BMPR1B: variants seen among roughly 807,000 people sequenced by gnomAD.
The protein encoded by BMPR1B is bone morphogenetic protein receptor type-1B.
In BMPR1B, 12 loss-of-function variants were observed where a neutral mutation model predicts 59.1. The ratio of observed to expected loss-of-function variants is 0.20; its 90% CI spans 0.13 to 0.33. The LOEUF is 0.33. Among genes scored for constraint, BMPR1B ranks in the 10% least tolerant of loss-of-function variants. The pLI is 1.00. For missense variants in BMPR1B, 550 were observed against 610.9 expected (o/e 0.90, Z 1.05); for synonymous variants, 237 against 207.3 (o/e 1.14, Z -1.23).
chr4:94,887,364 T>A (rs1578763158), intron 2 of BMPR1B, among the ~76,000 whole-genome samples: 1 of 98,852 alleles, frequency 1.0e-5, no homozygotes, highest in Non-Finnish European at 1.9e-5. Context: ...TTCATACAAA[T>A]CAATGGAGGG....
chr4:95,024,962 G>T (rs565318380), intron 3 of BMPR1B, among the ~76,000 whole-genome samples: 1 of 152,192 alleles, frequency 6.6e-6, no homozygotes, highest in African/African-American at 2.4e-5. Flanking sequence ...CTAGCTGGGC[G>T]TGGTGGTGCG....
At chr4:94,828,721 G>T (rs894127209) in intron 1 of BMPR1B, among the ~76,000 whole-genome samples, 1 of 152,046 alleles carries the variant, frequency 6.6e-6, no homozygotes, top group Non-Finnish European at 1.5e-5. Context: ...CCAGCACTAT[G>T]AGCATCACCA....
At chr4:95,086,650 C>A (rs908532244) in intron 3 of BMPR1B, among the ~76,000 whole-genome samples, 2 of 152,118 alleles carry the variant, frequency 1.3e-5, no homozygotes, top group Non-Finnish European at 2.9e-5. Flanking sequence ...TGCCTTTGAA[C>A]AATACTGCTA....
chr4:94,988,492 CTTTAG>C (rs539875468), intron 2 of BMPR1B, among the ~76,000 whole-genome samples: 108 of 152,200 alleles, frequency 7.1e-4, no homozygotes, highest in African/African-American at 2.2e-3. Context: ...TGATAAAGTG[CTTTAG>C]TTTAGTTTGC....
At chr4:94,887,054 C>G (rs745824150) in intron 2 of BMPR1B, among the ~76,000 whole-genome samples, 1 of 151,494 alleles carries the variant, frequency 6.6e-6, no homozygotes, top group African/African-American at 2.4e-5. Context: ...TAAAAAGGAA[C>G]GAAGAGCGAT....
In BMPR1B at chr4:95,130,010, C is replaced by G. The variant is rs751532146; in HGVS notation, c.734C>G (p.Thr245Arg). Residue 245 changes from threonine (T) to arginine (R), a missense_variant, in exon 9 of 13, where the codon ACA (threonine) becomes AGA (arginine). Physicochemically the swap from Thr to Arg is moderately conservative, Grantham distance 71. Around this residue, in one of 6 missense-constraint regions of BMPR1B, gnomAD observed 318 missense variants for 284.6 expected, o/e 1.12. Transcript: ENST00000515059. ...TTEEASWFRETEIYQTVLMRH... is the reference protein window; with the variant it reads ...TTEEASWFREREIYQTVLMRH... Reference sequence around the variant, plus strand: ...GAGGAAGCCAGCTGGTTCAGAGAGACAGAAATATATCAGACAGTGTTGATG... The same window carrying G: ...GAGGAAGCCAGCTGGTTCAGAGAGAGAGAAATATATCAGACAGTGTTGATG... The G allele has an allele frequency of 8.7e-6, 14 of 1,613,934 alleles. No homozygotes were observed. The highest frequency in any genetic ancestry group is 1.2e-5 in the Non-Finnish European group (14 of 1,179,900).
At chr4:94,799,938 C>A (rs1723344250) in intron 1 of BMPR1B, among the ~76,000 whole-genome samples, 1 of 151,244 alleles carries the variant, frequency 6.6e-6, no homozygotes, top group Non-Finnish European at 1.5e-5. Context: ...TGATAACTTG[C>A]CGCAGCCTCC....
At chr4:94,871,321 A>G (rs1206594135) in intron 1 of BMPR1B, among the ~76,000 whole-genome samples, 1 of 152,162 alleles carries the variant, frequency 6.6e-6, no homozygotes, top group African/African-American at 2.4e-5. Context: ...TGGTATGGTA[A>G]AAATATGGAC....
intron 2 of BMPR1B, among the ~76,000 whole-genome samples, chr4:94,961,977 A>T (rs1390006677): frequency 6.6e-6 from 1 of 152,156 alleles, no homozygotes; most frequent in Non-Finnish European, 1.5e-5. Flanking sequence ...ATTTTGAAAT[A>T]TATAATAAAT....
intron 1 of BMPR1B, among the ~76,000 whole-genome samples, chr4:94,843,320 T>G (rs1725173657): frequency 6.6e-6 from 1 of 152,236 alleles, no homozygotes; most frequent in South Asian, 2.1e-4. Context: ...TGTTCATAGA[T>G]TCTCCTGGTT....
At chr4:94,970,870 AT>A (rs1260021473) in intron 2 of BMPR1B, among the ~76,000 whole-genome samples, 16 of 151,928 alleles carry the variant, frequency 1.1e-4, no homozygotes, top group African/African-American at 2.2e-4. Context: ...ACTGAACACT[AT>A]TTTTTTTATA....
intron 3 of BMPR1B, among the ~76,000 whole-genome samples, chr4:95,023,137 T>C (rs1281423878): frequency 6.6e-6 from 1 of 152,196 alleles, no homozygotes. Flanking sequence ...AGGCTCAAAA[T>C]GAATATAACC....
chr4:94,837,019 CT>C (rs1417395997), intron 1 of BMPR1B, among the ~76,000 whole-genome samples: 1 of 143,410 alleles, frequency 7.0e-6, no homozygotes, highest in Non-Finnish European at 1.5e-5. Context: ...ATAGGGAATC[CT>C]TTCCCCATTG....
intron 2 of BMPR1B, among the ~76,000 whole-genome samples, chr4:94,986,823 T>C (rs1316379738): frequency 1.3e-5 from 2 of 151,926 alleles, no homozygotes; most frequent in Admixed American, 6.6e-5. Context: ...GGGTGGATCA[T>C]GAGGTCAGGG....
intron 2 of BMPR1B, among the ~76,000 whole-genome samples, chr4:94,882,370 CTT>C (rs1727006746): frequency 6.6e-6 from 1 of 152,120 alleles, no homozygotes. Context: ...AAACAAGAAA[CTT>C]TTTCTCTTCG....
chr4:94,932,677 TA>T (rs961158463), intron 2 of BMPR1B, among the ~76,000 whole-genome samples: 8 of 152,002 alleles, frequency 5.3e-5, no homozygotes, highest in African/African-American at 1.7e-4. Flanking sequence ...TCCAGAGCCA[TA>T]AAAAAATTGG....
chr4:95,121,220 CA>C (rs1233354033), intron 6 of BMPR1B, among the ~76,000 whole-genome samples: 3 of 152,142 alleles, frequency 2.0e-5, no homozygotes, highest in African/African-American at 7.2e-5. Flanking sequence ...TACAGCTAAC[CA>C]AGGAGGTAAA....
chr4:94,827,963 A>G (rs1172417846), intron 1 of BMPR1B, among the ~76,000 whole-genome samples: 1 of 152,208 alleles, frequency 6.6e-6, no homozygotes, highest in East Asian at 1.9e-4. Flanking sequence ...AACTCATGCT[A>G]ACACAGAGAG....
intron 3 of BMPR1B, among the ~76,000 whole-genome samples, chr4:95,038,425 C>T (rs1349415045): frequency 1.3e-5 from 2 of 152,142 alleles, no homozygotes; most frequent in Non-Finnish European, 2.9e-5. Context: ...TTCAGAAAGA[C>T]ATCAAGCTTT....
Sources: gnomAD v4.1 joint callset for allele counts (sites outside exome capture counted in the v4.1 genomes callset) on GRCh38, gnomAD v4.1.1 for gene constraint, gnomAD v4.1.1 regional missense constraint, MANE v1.5 for transcripts, NCBI Gene and HGNC (gene_info 2026-07-23, HGNC 2026-07-21) for gene names.